GRM5: variants seen among roughly 807,000 people sequenced by gnomAD.
GRM5 encodes metabotropic glutamate receptor 5.
Under a neutral mutation model 83.1 loss-of-function variants are expected in GRM5, and 19 were observed. The observed-to-expected ratio is 0.23, with a 90% CI of 0.16 to 0.34. The LOEUF (loss-of-function observed/expected upper bound fraction) is 0.34. Ranked by LOEUF, GRM5 falls within the 10% of genes least tolerant of loss-of-function variation. The probability of loss-of-function intolerance (pLI) is 1.00; values close to 1 mark genes in which losing one functional copy is unlikely to be tolerated. For synonymous variants in GRM5, 675 were observed against 633.6 expected, an observed-to-expected ratio of 1.07 and a Z score of -0.98; for missense variants, 1,160 against 1,588.3, an observed-to-expected ratio of 0.73 and a Z score of 4.58.
At chr11:88,753,414 A>C (rs1400808103) in intron 3 of GRM5, among the ~76,000 whole-genome samples, 1 of 152,326 alleles carries the variant, frequency 6.6e-6, no homozygotes, top group South Asian at 2.1e-4. Flanking sequence ...ATCTCACACC[A>C]GTCAGTATGG....
At chr11:88,846,440 G>A (rs1432427677) in intron 3 of GRM5, among the ~76,000 whole-genome samples, 1 of 152,196 alleles carries the variant, frequency 6.6e-6, no homozygotes, top group Admixed American at 6.5e-5. Flanking sequence ...ATTACCCACA[G>A]CTCAAATGGA....
chr11:89,032,904 T>C (rs1941295463), intron 2 of GRM5, among the ~76,000 whole-genome samples: 2 of 152,052 alleles, frequency 1.3e-5, no homozygotes, highest in African/African-American at 2.4e-5. Context: ...AGCATAAATA[T>C]GTGAAAAAGG....
intron 3 of GRM5, among the ~76,000 whole-genome samples, chr11:88,819,943 T>C (rs6483483): frequency 0.49 from 74,113 of 151,850 alleles, 21,376 homozygotes; most frequent in African/African-American, 0.76. Context: ...AAGTAACCCA[T>C]TTCCATTATA....
chr11:89,013,957 G>C (rs905521290), intron 2 of GRM5, among the ~76,000 whole-genome samples: 1 of 152,134 alleles, frequency 6.6e-6, no homozygotes, highest in East Asian at 1.9e-4. Context: ...CATTACGTTT[G>C]AAAAGTATGG....
rs573189353 is a variant in GRM5, at chr11:89,058,102, G to T, written c.-201+7674C>A. Among the ~76,000 whole-genome samples, 8 of 152,146 alleles carry T rather than the reference G, an allele frequency of 5.3e-5. No homozygotes were observed. The South Asian group carries it at 1.7e-3, about 32-fold the overall frequency. On this transcript the variant is annotated intron_variant, in intron 1 of 9. Transcript: ENST00000305447. ...CCCCACAAAAAAAAACAAGTGAATT[G>T]GTTATTCAAACCTCATGCATTGATT...
chr11:88,835,283 T>C (rs1944073379), intron 3 of GRM5, among the ~76,000 whole-genome samples: 1 of 152,192 alleles, frequency 6.6e-6, no homozygotes, highest in Non-Finnish European at 1.5e-5. Flanking sequence ...CAAAACAGTG[T>C]AGGTTACACT....
At position 89,047,009 on chromosome 11, in the gene GRM5, A is replaced by G. The variant is rs1941655362; in HGVS notation, c.661+203T>C. Among the ~76,000 whole-genome samples, 1 of 152,172 alleles carries G rather than the reference A, an allele frequency of 6.6e-6. No individual in the cohort carries two copies. Among genetic ancestry groups the G allele is most frequent in the African/African-American group, 2.4e-5 (1 of 41,448 alleles). ...ATGAAAACAAAATTATATTTCACCA[A>G]ATATTGGCCACATACACCCTTCTGT... On this transcript the variant is annotated intron_variant, in intron 2 of 9. Transcript: ENST00000305447. The surrounding 1 kb of genome is among the most constrained non-coding windows in gnomAD (Gnocchi z 5.1).
chr11:88,597,229 G>A lies in GRM5; in HGVS notation c.1518C>T (p.Ile506=), dbSNP rs989881369. The A allele has an allele frequency of 1.9e-6, 3 of 1,609,906 alleles. No homozygotes were observed. The highest frequency in any genetic ancestry group is 2.5e-6 in the Non-Finnish European group (3 of 1,177,294). The stretch of plus-strand genomic sequence containing the variant: ...ATGGTTCACTGCACACAGATCTGAT[G>A]ATGTTGCTTTTCTTGGACCATACTT... ...DDEVWSKKSN[I]IRSVCSEPCE... The change falls in exon 6 of 10, where the codon ATC becomes ATT. Residue 506 remains isoleucine, a synonymous_variant. Coordinates refer to ENST00000305447, the MANE Select transcript of GRM5 (RefSeq NM_001143831.3).
intron 3 of GRM5, among the ~76,000 whole-genome samples, chr11:88,814,280 G>A (rs1004524840): frequency 1.3e-5 from 2 of 152,144 alleles, no homozygotes; most frequent in African/African-American, 4.8e-5. Flanking sequence ...GGAGTCTGAG[G>A]ACACAAAGGC....
At chr11:88,753,345 A>G (rs1239021609) in intron 3 of GRM5, among the ~76,000 whole-genome samples, 1 of 151,982 alleles carries the variant, frequency 6.6e-6, no homozygotes, top group Non-Finnish European at 1.5e-5. Flanking sequence ...AAACATATGA[A>G]AAAAGCTCAG....
intron 1 of GRM5, among the ~76,000 whole-genome samples, chr11:89,060,281 T>C (rs943891814): frequency 1.5e-5 from 2 of 136,926 alleles, no homozygotes; most frequent in African/African-American, 5.3e-5. Flanking sequence ...TATATATATA[T>C]ATATACACAC....
chr11:88,944,385 T>G (rs1477287380), intron 2 of GRM5, among the ~76,000 whole-genome samples: 1 of 151,908 alleles, frequency 6.6e-6, no homozygotes, highest in African/African-American at 2.4e-5. Context: ...ATTCCTTTAT[T>G]TTATTGAATA....
At chr11:88,689,692 T>C (rs984689643) in intron 3 of GRM5, among the ~76,000 whole-genome samples, 1 of 152,198 alleles carries the variant, frequency 6.6e-6, no homozygotes, top group Admixed American at 6.5e-5. Context: ...CTGTTTTTCT[T>C]CTACCTGCTC....
intron 3 of GRM5, among the ~76,000 whole-genome samples, chr11:88,743,554 C>T (rs529248340): frequency 1.3e-5 from 2 of 152,224 alleles, no homozygotes; most frequent in South Asian, 4.1e-4. Context: ...TGGTGACCTC[C>T]TCATAGAAGG....
rs150015015 is a variant in GRM5, at chr11:88,578,446, T to C, written c.1691-10454A>G. ...CACATTATTGTCTTCAGTCTGGCCA[T>C]GTCAGAGTGGTTTTTGACCACAATG... On this transcript the variant is annotated intron_variant, in intron 7 of 9. Coordinates refer to ENST00000305447, the MANE Select transcript of GRM5 (RefSeq NM_001143831.3). Among the ~76,000 whole-genome samples, 891 of 152,272 alleles carry C rather than the reference T, an allele frequency of 5.9e-3. 7 individuals are homozygous for C. The highest frequency in any genetic ancestry group is 0.021 in the African/African-American group (856 of 41,584).
rs561559788 is a variant in GRM5, at chr11:88,600,246, C to T, written c.1395-2894G>A. 5.7e-4 allele frequency among the ~76,000 whole-genome samples: 86 copies of T among 150,986 alleles called. 1 individual carries two copies. The highest frequency in any genetic ancestry group is 2.1e-3 in the African/African-American group (85 of 40,868). ...TCCTCAATCCTCCTCCTCCTTCCTC[C>T]TCCTCCTCTTCCTCCTTCTTCCTCC... On this transcript the variant is annotated intron_variant, in intron 5 of 9. Coordinates refer to ENST00000305447, the MANE Select transcript of GRM5 (RefSeq NM_001143831.3).
intron 2 of GRM5, among the ~76,000 whole-genome samples, chr11:88,908,511 G>A (rs1273305242): frequency 1.3e-5 from 2 of 151,930 alleles, no homozygotes; most frequent in East Asian, 1.9e-4. Context: ...ACCCAGATTC[G>A]GTAACTATCT....
At chr11:88,632,684 A>G (rs922056911) in intron 4 of GRM5, among the ~76,000 whole-genome samples, 2 of 152,194 alleles carry the variant, frequency 1.3e-5, no homozygotes, top group African/African-American at 4.8e-5. Flanking sequence ...TTTGAACATT[A>G]TTCCTTAAAT....
At chr11:88,989,634 A>T (rs543099039) in intron 2 of GRM5, among the ~76,000 whole-genome samples, 429 of 139,270 alleles carry the variant, frequency 3.1e-3, no homozygotes, top group African/African-American at 0.011. Flanking sequence ...CAGCAAATGT[A>T]AAAGAACAGA....
Sources: allele counts gnomAD v4.1 joint callset (sites outside exome capture counted in the v4.1 genomes callset), GRCh38; gene constraint gnomAD v4.1.1; non-coding constraint Gnocchi (gnomAD v3.1); transcripts MANE v1.5; gene names NCBI Gene and HGNC (gene_info 2026-07-23, HGNC 2026-07-21).